Variants in ZNF71 observed in about 807,000 individuals in gnomAD.
ZNF71 encodes endothelial zinc finger protein induced by tumor necrosis factor alpha.
A neutral mutation model predicts 6.7 loss-of-function variants in ZNF71; 3 were observed. That is an observed-to-expected ratio of 0.45 (90% CI 0.20 to 1.16). The LOEUF (loss-of-function observed/expected upper bound fraction) is 1.16, where lower values mean the gene tolerates loss of function less well. Ranked by LOEUF, ZNF71 falls within the 50% of genes most tolerant of loss-of-function variation. The probability of loss-of-function intolerance (pLI) is 0.25; values close to 1 mark genes in which losing one functional copy is unlikely to be tolerated. For missense variants in ZNF71, 688 were observed against 728.6 expected, an observed-to-expected ratio of 0.94 and a Z score of 0.64; for synonymous variants, 343 against 311.1, an observed-to-expected ratio of 1.10 and a Z score of -1.08.
intron 2 of ZNF71, among the ~76,000 whole-genome samples, chr19:56,604,996 C>T (rs1293099081): frequency 1.3e-5 from 2 of 152,212 alleles, no homozygotes; most frequent in African/African-American, 4.8e-5. Flanking sequence ...CTTGCCCCAT[C>T]AAAGGGTCAG....
In ZNF71 at chr19:56,621,260, T is replaced by G; in HGVS notation, c.161-8T>G. 1 of 1,514,698 alleles carries G rather than the reference T, an allele frequency of 6.6e-7. No individual in the cohort carries two copies. 93.8% of individuals were successfully genotyped at this position (1,514,698 alleles called of 1,614,324 possible). ...TGTATTTGCATCTTCTGTTTTTGTT[T>G]TTTTCAGACTGGGAGACTAGACCTG... is the stretch of plus-strand genomic sequence containing the variant. On this transcript the variant is annotated splice_region_variant and splice_polypyrimidine_tract_variant and intron_variant, in intron 3 of 3. Coordinates refer to ENST00000599599, the MANE Select transcript of ZNF71 (RefSeq NM_001370215.1).
At chr19:56,596,779 C>A (rs1336333256) in intron 1 of ZNF71, among the ~76,000 whole-genome samples, 1 of 152,166 alleles carries the variant, frequency 6.6e-6, no homozygotes, top group Non-Finnish European at 1.5e-5. Context: ...GTTCCAGAGC[C>A]CCCACAATTA....
chr19:56,621,817 A>G lies in ZNF71; in HGVS notation c.710A>G (p.Gln237Arg). The part of the protein sequence containing the change: ...FIERSSLTIH[Q>R]RVHTGEKPYA... ...GAGCGCTCGTCCCTCACCATCCACC[A>G]GCGGGTGCACACGGGCGAGAAGCCC... Residue 237 changes from glutamine (Q) to arginine (R), a missense_variant, in exon 4 of 4, where the codon CAG becomes CGG. Physicochemically the swap from Gln to Arg is conservative, Grantham distance 43. Transcript: ENST00000599599. 1.2e-6 allele frequency: 2 copies of G among 1,612,208 alleles called. No homozygotes were observed. The highest frequency in any genetic ancestry group is 1.7e-6 in the Non-Finnish European group (2 of 1,178,234).
intron 2 of ZNF71, among the ~76,000 whole-genome samples, chr19:56,602,865 G>A (rs1436023626): frequency 6.6e-6 from 1 of 152,136 alleles, no homozygotes; most frequent in African/African-American, 2.4e-5. Flanking sequence ...TTCTCCCACT[G>A]TGGTGTCTTT....
At position 56,623,803 on chromosome 19, in the gene ZNF71, G is replaced by A. The variant is rs2148024810; in HGVS notation, c.*1046G>A. 1 of 167,254 alleles carries A rather than the reference G, an allele frequency of 6.0e-6. No homozygotes were observed. Among genetic ancestry groups the A allele is most frequent in the African/African-American group, 2.4e-5 (1 of 41,576 alleles). The allele number at this position is 167,254 out of a possible 1,614,324, so 10.4% of individuals were successfully genotyped here. A position where few individuals can be genotyped will look rare whatever the true frequency, so the allele number is the denominator to read the frequency against. On this transcript the variant is annotated 3_prime_UTR_variant, in exon 4 of 4. Transcript: ENST00000599599. ...TCATAGGTAGTGCTTGTGTCTTGATGTGTGTCTTCACGTGGTTGTAAACGG... is the reference window on the plus strand; with the variant it reads ...TCATAGGTAGTGCTTGTGTCTTGATATGTGTCTTCACGTGGTTGTAAACGG...
Position 56,621,756 on chromosome 19 carries a change from C to T in ZNF71, c.649C>T (p.Pro217Ser), listed in dbSNP as rs774532054. The T allele has an allele frequency of 1.2e-6, 2 of 1,614,058 alleles. No homozygotes were observed. Among genetic ancestry groups the T allele is most frequent in the Admixed American group, 1.7e-5 (1 of 60,036 alleles). ...CCAAAGGATCCACACGGGAGAAAAG[C>T]CGTTTGAGTGTGACACCTGTGGGAA... is the stretch of plus-strand genomic sequence containing the variant. ...KHQRIHTGEK[P>S]FECDTCGKHF... Residue 217 changes from proline (P) to serine (S), a missense_variant, in exon 4 of 4, where the codon CCG (proline) becomes TCG (serine). Transcript: ENST00000599599.
chr19:56,621,635 C>T lies in ZNF71; in HGVS notation c.528C>T (p.Asp176=), dbSNP rs758495622. 6 of 1,614,210 alleles carry T rather than the reference C, an allele frequency of 3.7e-6. No individual in the cohort carries two copies. Among genetic ancestry groups the T allele is most frequent in the Non-Finnish European group, 5.1e-6 (6 of 1,180,038 alleles). ...GCAAGAACTTCTCCAGCACTTCAGA[C>T]CTCAGTAAGCCCCCCATGCCCTGCG... is the stretch of plus-strand genomic sequence containing the variant. ...RRGKNFSSTS[D]LSKPPMPCEE... Residue 176 remains aspartate, a synonymous_variant, in exon 4 of 4, where the codon GAC becomes GAT. Transcript: ENST00000599599.
intron 3 of ZNF71, among the ~76,000 whole-genome samples, chr19:56,619,686 C>T (rs772722832): frequency 9.9e-5 from 15 of 152,248 alleles, no homozygotes; most frequent in Middle Eastern, 6.8e-3. Flanking sequence ...CAGTGTGATT[C>T]AGGAGAGTGG....
Position 56,622,643 on chromosome 19 carries a change from C to T in ZNF71, c.1536C>T (p.Ser512=), listed in dbSNP as rs773773677. The T allele has an allele frequency of 1.9e-6, 3 of 1,612,850 alleles. No individual in the cohort carries two copies. The highest frequency in any genetic ancestry group is 2.5e-6 in the Non-Finnish European group (3 of 1,179,622). Residue 512 remains serine, a synonymous_variant, in exon 4 of 4, where the codon TCC becomes TCT. Coordinates refer to ENST00000599599, the MANE Select transcript of ZNF71 (RefSeq NM_001370215.1). ...GGAAGTCCTTCATCAAGAACTCCTCCCTCACTGTGCACCAGCGGATCCACA... is the reference window on the plus strand; with the variant it reads ...GGAAGTCCTTCATCAAGAACTCCTCTCTCACTGTGCACCAGCGGATCCACA... The part of the protein sequence containing the change: ...QCGKSFIKNS[S]LTVHQRIHTG...
chr19:56,601,637 T>G, intron 2 of ZNF71, 46 bp downstream of exon 2: 2 of 970,742 alleles, frequency 2.1e-6, no homozygotes, highest in African/African-American at 1.8e-5. Context: ...GGCTGGATCC[T>G]GCCTTGGGTG....
At chr19:56,619,708 G>A (rs1023675060) in intron 3 of ZNF71, among the ~76,000 whole-genome samples, 10 of 152,170 alleles carry the variant, frequency 6.6e-5, no homozygotes, top group African/African-American at 2.2e-4. Flanking sequence ...CTCAAACTCA[G>A]GTGGCCTCAG....
intron 1 of ZNF71, among the ~76,000 whole-genome samples, chr19:56,600,185 A>AGTTTTTTTTTT (rs2044659061): frequency 4.0e-5 from 1 of 24,914 alleles, no homozygotes; most frequent in African/African-American, 5.0e-4. Context: ...AACCCTCTGT[A>AGTTTTTTTTTT]TTTTTTTTTT....
chr19:56,600,828 T>G (rs1321322987), intron 1 of ZNF71, among the ~76,000 whole-genome samples: 3 of 152,188 alleles, frequency 2.0e-5, no homozygotes, highest in African/African-American at 7.2e-5. Flanking sequence ...TCAGGAGAAC[T>G]GGAGGAGAAT....
chr19:56,607,314 C>T (rs2044717573), intron 2 of ZNF71, among the ~76,000 whole-genome samples: 1 of 152,180 alleles, frequency 6.6e-6, no homozygotes, highest in Non-Finnish European at 1.5e-5. Context: ...TGGGCAAATA[C>T]TCAAAGCAGG....
intron 2 of ZNF71, among the ~76,000 whole-genome samples, chr19:56,612,638 CA>C (rs1187089799): frequency 6.6e-6 from 1 of 152,008 alleles, no homozygotes; most frequent in East Asian, 1.9e-4. Context: ...GGCAAGGTGG[CA>C]GGGGGGTGAG....
At chr19:56,606,709 C>T (rs957934459) in intron 2 of ZNF71, among the ~76,000 whole-genome samples, 6 of 151,910 alleles carry the variant, frequency 3.9e-5, no homozygotes, top group Non-Finnish European at 7.4e-5. Context: ...CTTGTGGCTG[C>T]TTGGGCTTCC....
At chr19:56,607,435 T>G (rs982815908) in intron 2 of ZNF71, among the ~76,000 whole-genome samples, 1 of 152,184 alleles carries the variant, frequency 6.6e-6, no homozygotes, top group Non-Finnish European at 1.5e-5. Context: ...ATTTATTGAG[T>G]ACCTACTAAG....
chr19:56,601,848 G>A (rs965976404), intron 2 of ZNF71, among the ~76,000 whole-genome samples: 1 of 152,084 alleles, frequency 6.6e-6, no homozygotes, highest in African/African-American at 2.4e-5. Flanking sequence ...GGGAAGTGGT[G>A]GTTTAGACAT....
chr19:56,619,664 G>T (rs2044827604), intron 3 of ZNF71, among the ~76,000 whole-genome samples: 1 of 152,154 alleles, frequency 6.6e-6, no homozygotes, highest in Non-Finnish European at 1.5e-5. Flanking sequence ...ACTTTGTGTG[G>T]CTTTGAAGGT....
Sources: gnomAD v4.1 joint callset for allele counts (sites outside exome capture counted in the v4.1 genomes callset) on GRCh38, gnomAD v4.1.1 for gene constraint, MANE v1.5 for transcripts, NCBI Gene and HGNC (gene_info 2026-07-23, HGNC 2026-07-21) for gene names.